Variants in ABCA7 observed in about 807,000 individuals in gnomAD.
ABCA7 encodes the protein ATP binding cassette subfamily A member 7, also known as phospholipid-transporting ATPase ABCA7.
In ABCA7, 261 loss-of-function variants were observed where a neutral mutation model predicts 227.6. That is an observed-to-expected ratio of 1.15 (90% CI 1.04 to 1.27). ABCA7 has a LOEUF of 1.27. ABCA7 is among the 50% of genes most tolerant of loss of function. The pLI is 0.00. For synonymous variants in ABCA7, 1,488 were observed against 1,279.7 expected (o/e 1.16, Z -3.47); for missense variants, 3,331 against 2,924.5 (o/e 1.14, Z -3.21).
Position 1,057,357 on chromosome 19 carries a change from T to C in ABCA7, c.4808T>C (p.Leu1603Pro). The change falls in exon 35 of 47, where the codon CTG becomes CCG. Residue 1603 changes from leucine (L) to proline (P), a missense_variant. Leu to Pro is a moderately conservative substitution (Grantham distance 98). Transcript: ENST00000263094. ...VPACIVVLIFLAFQQRAYVAP... is the reference protein window; with the variant it reads ...VPACIVVLIFPAFQQRAYVAP... ...GCATGCATCGTGGTGCTCATCTTTC[T>C]GGCCTTCCAGCAGAGGGCATATGTG... 1 of 1,613,988 alleles carries C rather than the reference T, an allele frequency of 6.2e-7. No individual in the cohort carries two copies. The highest frequency in any genetic ancestry group is 8.5e-7 in the Non-Finnish European group (1 of 1,180,026).
rs767417118 is a variant in ABCA7, at chr19:1,046,333, G to A, written c.1549G>A (p.Val517Met). ...QDLVERAAVR[V>M]LSGANPRAGL... The stretch of plus-strand genomic sequence containing the variant: ...CCTGGTGGAGCGTGCAGCCGTCCGC[G>A]TGCTCAGCGGCGCCAACCCCCGGGC... The change falls in exon 13 of 47, where the codon GTG becomes ATG. Residue 517 changes from valine (V) to methionine (M), a missense_variant. By Grantham distance (21) the Val-to-Met change is conservative (BLOSUM62 1). Coordinates refer to ENST00000263094, the MANE Select transcript of ABCA7 (RefSeq NM_019112.4). The A allele has an allele frequency of 1.7e-5, 28 of 1,602,332 alleles. No homozygotes were observed. The highest frequency in any genetic ancestry group is 8.4e-5 in the Admixed American group (5 of 59,670).
At chr19:1,045,283 G>T (rs974892571) in intron 12 of ABCA7, 52 bp downstream of exon 12, 7 of 1,492,594 alleles carry the variant, frequency 4.7e-6, no homozygotes, top group African/African-American at 1.4e-5. Context: ...GGCCAAGAGC[G>T]TGGTGGGTGG....
chr19:1,053,185 G>A (rs544034934), intron 23 of ABCA7, 144 bp from the exon 24 acceptor site: 19 of 813,684 alleles, frequency 2.3e-5, no homozygotes, highest in East Asian at 1.3e-4. Flanking sequence ...GAGCCACTGC[G>A]CCCGGCCGCA....
intron 40 of ABCA7, 83 bp from the exon 41 acceptor site, chr19:1,061,699 C>CAAA (rs397859882): frequency 5.7e-4 from 597 of 1,055,002 alleles, no homozygotes; most frequent in Admixed American, 6.2e-4. Flanking sequence ...AACTTGGTCT[C>CAAA]AAAAAAAAAA....
chr19:1,046,580 TGG>T (rs3834987), intron 13 of ABCA7, among the ~76,000 whole-genome samples, 174 bp downstream of exon 13: 3 of 134,248 alleles, frequency 2.2e-5, no homozygotes, highest in South Asian at 2.6e-4. Context: ...GAGGGTCTGG[TGG>T]GGGGGGGGAC....
chr19:1,050,407 G>A (rs919807409), intron 18 of ABCA7, among the ~76,000 whole-genome samples: 1 of 142,398 alleles, frequency 7.0e-6, no homozygotes, highest in Non-Finnish European at 1.6e-5. Context: ...GTGAGACTCT[G>A]TCACAAAAAA....
In ABCA7 at chr19:1,057,038, G is replaced by T; in HGVS notation, c.4718G>T (p.Gly1573Val). Residue 1573 changes from glycine (G) to valine (V), a missense_variant, in exon 34 of 47, where the codon GGC becomes GTC. Transcript: ENST00000263094. ...GCCAAGCACCTGCAGCTCATGGGGG[G>T]CCTGTCCCCCACCCTCTACTGGCTT... ...TRAKHLQLMG[G>V]LSPTLYWLGN... 2 of 1,613,722 alleles carry T rather than the reference G, an allele frequency of 1.2e-6. No homozygotes were observed. The highest frequency in any genetic ancestry group is 8.5e-7 in the Non-Finnish European group (1 of 1,179,960).
intron 15 of ABCA7, 37 bp downstream of exon 15, chr19:1,047,415 C>T: frequency 2.6e-6 from 4 of 1,537,228 alleles, no homozygotes; most frequent in Non-Finnish European, 3.5e-6. Flanking sequence ...GGGACGCCCC[C>T]CGCTTCGGCC....
In ABCA7 at chr19:1,057,050, C is replaced by T; in HGVS notation, c.4730C>T (p.Thr1577Ile). ...CAGCTCATGGGGGGCCTGTCCCCCA[C>T]CCTCTACTGGCTTGGCAACTTTCTC... ...HLQLMGGLSP[T>I]LYWLGNFLWD... is the part of the protein sequence containing the mutation. The change falls in exon 34 of 47, where the codon ACC becomes ATC. Residue 1577 changes from threonine (T) to isoleucine (I), a missense_variant. By Grantham distance (89) the Thr-to-Ile change is moderately conservative (BLOSUM62 -1). Transcript: ENST00000263094. 6.2e-7 allele frequency: 1 copy of T among 1,613,632 alleles called. No individual in the cohort carries two copies. The highest frequency in any genetic ancestry group is 8.5e-7 in the Non-Finnish European group (1 of 1,179,946).
chr19:1,041,448 C>T (rs1429222989), intron 2 of ABCA7, 21 bp downstream of exon 2: 2 of 1,613,868 alleles, frequency 1.2e-6, no homozygotes, highest in African/African-American at 2.7e-5. Context: ...AGTGTGAGAC[C>T]AGGGCCGGGT....
In ABCA7 at chr19:1,060,207, A is replaced by ATATATATATT; in HGVS notation, c.5463+1123_5463+1124insATATATATTT. On this transcript the variant is annotated intron_variant, in intron 40 of 46. Coordinates refer to ENST00000263094, the MANE Select transcript of ABCA7 (RefSeq NM_019112.4). ...AGCACACATTGCAGTATATATATAT[A>ATATATATATT]TTTTTTTTTCTTTTTTTTTCTTTTG... Among the ~76,000 whole-genome samples the ATATATATATT allele has an allele frequency of 2.0e-3, 192 of 96,862 alleles. 5 individuals are homozygous for ATATATATATT. Among genetic ancestry groups the ATATATATATT allele is most frequent in the African/African-American group, 6.1e-3 (175 of 28,760 alleles). The allele number at this position is 96,862 out of a possible 152,430, so 63.5% of individuals were successfully genotyped here.
At chr19:1,059,106 C>G (rs1277617088) in intron 40 of ABCA7, 21 bp downstream of exon 40, 2 of 1,609,074 alleles carry the variant, frequency 1.2e-6, no homozygotes, top group Non-Finnish European at 1.7e-6. Flanking sequence ...GGGTGGAGGC[C>G]AGGTGCAGGG....
intron 12 of ABCA7, 45 bp from the exon 13 acceptor site, chr19:1,046,185 G>A: frequency 6.3e-7 from 1 of 1,593,388 alleles, no homozygotes; most frequent in South Asian, 1.1e-5. Context: ...GGCCCCGGGA[G>A]TTTCTAGCCC....
At position 1,041,819 on chromosome 19, in the gene ABCA7, G is replaced by A. The variant is rs757699680; in HGVS notation, c.161-12G>A. ...AGTCCACAGGGCCTCAGCACCAGGC[G>A]TCTCCCCGCAGGCCACTTCCCAAAC... On this transcript the variant is annotated splice_polypyrimidine_tract_variant and intron_variant, in intron 3 of 46. Transcript: ENST00000263094. 7 of 1,600,426 alleles carry A rather than the reference G, an allele frequency of 4.4e-6. No homozygotes were observed. In the African/African-American group the frequency reaches 8.0e-5, roughly 18 times the overall value.
chr19:1,042,471 C>G (rs538849668), intron 6 of ABCA7, 74 bp downstream of exon 6: 1 of 1,566,032 alleles, frequency 6.4e-7, no homozygotes, highest in Non-Finnish European at 8.7e-7. Context: ...TGCCCCACCC[C>G]GGGCCAAGGA....
intron 17 of ABCA7, 102 bp downstream of exon 17, chr19:1,049,107 AC>A: frequency 1.0e-6 from 1 of 997,490 alleles, no homozygotes; most frequent in Non-Finnish European, 1.5e-6. Context: ...GGACACCCCA[AC>A]CCTCACACCT....
rs767799454 is a variant in ABCA7 at position 1,051,532 on chromosome 19, G to A, written c.2908G>A (p.Val970Met). Residue 970 changes from valine to methionine, a missense_variant, in exon 21 of 47, where the codon GTG (valine) becomes ATG (methionine). Coordinates refer to ENST00000263094, the MANE Select transcript of ABCA7 (RefSeq NM_019112.4). ...VVILDEPTAG[V>M]DPASRRGIWE... Reference sequence around the variant, plus strand: ...TATCCTGGACGAGCCTACGGCTGGCGTGGATCCTGCTTCCCGCCGCGGTAT... The same window carrying A: ...TATCCTGGACGAGCCTACGGCTGGCATGGATCCTGCTTCCCGCCGCGGTAT... The A allele has an allele frequency of 2.5e-5, 40 of 1,612,684 alleles. 1 individual carries two copies. Among genetic ancestry groups the A allele is most frequent in the Middle Eastern group, 3.3e-4 (2 of 6,012 alleles).
chr19:1,054,059 C>G lies in ABCA7; in HGVS notation c.3526C>G (p.Leu1176Val). Residue 1176 changes from leucine to valine, a missense_variant, in exon 26 of 47, where the codon CTA becomes GTA. Leu to Val is a conservative substitution (Grantham distance 32). Coordinates refer to ENST00000263094, the MANE Select transcript of ABCA7 (RefSeq NM_019112.4). The surrounding 1 kb of genome is among the most constrained non-coding windows in gnomAD (Gnocchi z 4.8). ...CTGIAGLDVTLRLKMPPQETA... is the reference protein window; with the variant it reads ...CTGIAGLDVTVRLKMPPQETA... ...AGGCATTGCTGGCCTAGACGTAACC[C>G]TACGGCTCAAGATGCCGCCACAGGA... The G allele has an allele frequency of 2.5e-6, 4 of 1,613,386 alleles. No individual in the cohort carries two copies. The highest frequency in any genetic ancestry group is 3.4e-6 in the Non-Finnish European group (4 of 1,179,978).
chr19:1,045,043 A>G lies in ABCA7; in HGVS notation c.1257A>G (p.Ala419=), dbSNP rs1320092126. The change falls in exon 12 of 47, where the codon GCA becomes GCG. Residue 419 remains alanine, a synonymous_variant. Coordinates refer to ENST00000263094, the MANE Select transcript of ABCA7 (RefSeq NM_019112.4). ...LDKLEAAPSE[A]ALVSRALQLL... Reference sequence around the variant, plus strand: ...AGCTGGAGGCGGCACCCTCAGAGGCAGCCCTGGTGTCGCGGGCCCTGCAAC... The same window carrying G: ...AGCTGGAGGCGGCACCCTCAGAGGCGGCCCTGGTGTCGCGGGCCCTGCAAC... 3 of 1,612,870 alleles carry G rather than the reference A, an allele frequency of 1.9e-6. No homozygotes were observed. The highest frequency in any genetic ancestry group is 2.5e-6 in the Non-Finnish European group (3 of 1,179,970).
Sources: allele counts gnomAD v4.1 joint callset (sites outside exome capture counted in the v4.1 genomes callset), GRCh38; gene constraint gnomAD v4.1.1; non-coding constraint Gnocchi (gnomAD v3.1); transcripts MANE v1.5; gene names NCBI Gene and HGNC (gene_info 2026-07-23, HGNC 2026-07-21).